The following NBEA variants were observed in gnomAD, a reference collection of about 807,000 sequenced individuals.
NBEA encodes lysosomal-trafficking regulator 2.
Under a neutral mutation model 343.4 loss-of-function variants are expected in NBEA, and 44 were observed. The observed-to-expected ratio is 0.13, with a 90% CI of 0.10 to 0.16. The LOEUF (loss-of-function observed/expected upper bound fraction) is 0.16. NBEA is among the 10% of genes least tolerant of loss of function. The probability of loss-of-function intolerance (pLI) is 1.00; values close to 1 mark genes in which losing one functional copy is unlikely to be tolerated. For missense variants in NBEA, 2,555 were observed against 3,631.3 expected (o/e 0.70, Z 7.62); for synonymous variants, 1,175 against 1,238.7 (o/e 0.95, Z 1.08).
intron 31 of NBEA, among the ~76,000 whole-genome samples, chr13:35,203,357 T>C (rs893532137): frequency 5.9e-5 from 9 of 152,186 alleles, no homozygotes; most frequent in African/African-American, 1.9e-4. Flanking sequence ...CCTCCTGGCT[T>C]ATTCTTTCAC....
chr13:35,405,316 A>G (rs890142596), intron 38 of NBEA, among the ~76,000 whole-genome samples: 1 of 152,158 alleles, frequency 6.6e-6, no homozygotes, highest in Non-Finnish European at 1.5e-5. Context: ...TCATTTACCT[A>G]GTAGGTGGCA....
chr13:35,395,052 T>C (rs370399567), intron 38 of NBEA, among the ~76,000 whole-genome samples: 101 of 152,234 alleles, frequency 6.6e-4, no homozygotes, highest in African/African-American at 2.4e-3. Flanking sequence ...ATATTTGGAG[T>C]GTTCATAGAG....
intron 40 of NBEA, among the ~76,000 whole-genome samples, chr13:35,463,114 G>A (rs868483444): frequency 2.0e-5 from 3 of 152,186 alleles, no homozygotes; most frequent in South Asian, 2.1e-4. Context: ...GTGGCACAAG[G>A]TTTAAAGGGC....
intron 41 of NBEA, among the ~76,000 whole-genome samples, chr13:35,535,477 G>A (rs576484256): frequency 6.6e-6 from 1 of 152,270 alleles, no homozygotes; most frequent in East Asian, 1.9e-4. Context: ...AAAGTACACT[G>A]AAAAGGATCT....
At chr13:35,424,539 G>T (rs28778592) in intron 38 of NBEA, among the ~76,000 whole-genome samples, 1 of 152,266 alleles carries the variant, frequency 6.6e-6, no homozygotes, top group Non-Finnish European at 1.5e-5. Flanking sequence ...TGTGCTGCTG[G>T]ATTCGGTTTG....
chr13:35,294,029 A>G (rs1012268322), intron 35 of NBEA, among the ~76,000 whole-genome samples: 2 of 152,132 alleles, frequency 1.3e-5, no homozygotes, highest in African/African-American at 2.4e-5. Context: ...CTAAAGATGT[A>G]TAAGTAATAT....
intron 36 of NBEA, among the ~76,000 whole-genome samples, chr13:35,331,418 A>C (rs1387331047): frequency 6.6e-6 from 1 of 152,016 alleles, no homozygotes; most frequent in African/African-American, 2.4e-5. Flanking sequence ...CATAGGGAAA[A>C]TTATTTGTCC....
intron 38 of NBEA, among the ~76,000 whole-genome samples, chr13:35,429,800 C>CGTGTGTGTGTGTGTGTGT (rs60362511): frequency 2.9e-4 from 40 of 140,198 alleles, no homozygotes; most frequent in Non-Finnish European, 4.4e-4. Flanking sequence ...GAGTCCCCAA[C>CGTGTGTGTGTGTGTGTGT]GTGTGTGTGT....
intron 39 of NBEA, among the ~76,000 whole-genome samples, chr13:35,443,251 C>CT (rs1566140845): frequency 2.6e-5 from 4 of 151,920 alleles, no homozygotes; most frequent in Non-Finnish European, 5.9e-5. Flanking sequence ...GTACAAGTTC[C>CT]TTTTTGGTAA....
intron 38 of NBEA, among the ~76,000 whole-genome samples, chr13:35,375,255 A>C (rs1196529967): frequency 6.6e-6 from 1 of 152,036 alleles, no homozygotes; most frequent in Non-Finnish European, 1.5e-5. Flanking sequence ...GTAGACATTC[A>C]TTTCTTTTGG....
At position 35,596,096 on chromosome 13, in the gene NBEA, GTGTGTGTGCATGTGTGTGTGTA is replaced by G. The variant is rs1332575407; in HGVS notation, c.7296+2658_7296+2679del. ...TCGTTTAATGTGTGTGTGCGTGTGC[GTGTGTGTGCATGTGTGTGTGTA>G]TGTGTGTGTGTGTCCAGTCAAATAT... is the stretch of plus-strand genomic sequence containing the variant. On this transcript the variant is annotated intron_variant, in intron 47 of 58. Transcript: ENST00000379939. Among the ~76,000 whole-genome samples, 4 of 151,936 alleles carry G rather than the reference GTGTGTGTGCATGTGTGTGTGTA, an allele frequency of 2.6e-5. No homozygotes were observed. The East Asian group carries it at 7.7e-4, about 29-fold the overall frequency.
chr13:35,593,183 C>G (rs1298511349), intron 46 of NBEA, 145 bp from the exon 47 acceptor site: 1 of 780,842 alleles, frequency 1.3e-6, no homozygotes, highest in African/African-American at 1.8e-5. Context: ...CAGGCATCTC[C>G]TACTGCCTTA....
intron 49 of NBEA, among the ~76,000 whole-genome samples, chr13:35,637,149 G>A (rs368876576): frequency 2.6e-5 from 4 of 152,078 alleles, no homozygotes; most frequent in East Asian, 1.9e-4. Flanking sequence ...CTTTCAAAGC[G>A]ATAATGAAGA....
intron 34 of NBEA, among the ~76,000 whole-genome samples, chr13:35,278,022 G>C (rs562427497): frequency 1.5e-4 from 22 of 150,442 alleles, no homozygotes; most frequent in Non-Finnish European, 3.1e-4. Flanking sequence ...AGGAGGCAGA[G>C]GTTGCAGTGA....
At chr13:35,316,476 T>C (rs937859058) in intron 36 of NBEA, among the ~76,000 whole-genome samples, 2 of 152,226 alleles carry the variant, frequency 1.3e-5, no homozygotes, top group East Asian at 3.8e-4. Flanking sequence ...CCATGGTGTA[T>C]ATATGCCACA....
chr13:35,137,905 T>C (rs1464716048), intron 17 of NBEA, among the ~76,000 whole-genome samples: 1 of 152,134 alleles, frequency 6.6e-6, no homozygotes, highest in Non-Finnish European at 1.5e-5. Flanking sequence ...TGATAGATTT[T>C]ATTCAAGAAA....
intron 34 of NBEA, among the ~76,000 whole-genome samples, chr13:35,281,293 C>G (rs1424435016): frequency 6.6e-6 from 1 of 152,084 alleles, no homozygotes. Flanking sequence ...TGCAACTGTA[C>G]TGATTACTCA....
At chr13:35,002,197 G>A (rs992140130) in intron 1 of NBEA, among the ~76,000 whole-genome samples, 2 of 152,162 alleles carry the variant, frequency 1.3e-5, no homozygotes, top group Admixed American at 1.3e-4. Context: ...GAGCTAACAG[G>A]TTACATACAG....
At chr13:35,053,376 C>A (rs1332118082) in intron 6 of NBEA, among the ~76,000 whole-genome samples, 1 of 152,066 alleles carries the variant, frequency 6.6e-6, no homozygotes, top group East Asian at 1.9e-4. Context: ...GTTTTTTTAA[C>A]CACTGTCTAC....
Sources: allele counts gnomAD v4.1 joint callset (sites outside exome capture counted in the v4.1 genomes callset), GRCh38; gene constraint gnomAD v4.1.1; transcripts MANE v1.5; gene names NCBI Gene and HGNC (gene_info 2026-07-23, HGNC 2026-07-21).